PDE11A: variants seen among roughly 807,000 people sequenced by gnomAD.
PDE11A encodes the protein dual 3',5'-cyclic-AMP and -GMP phosphodiesterase 11A.
In PDE11A, 100 loss-of-function variants were observed where a neutral mutation model predicts 100.5. The ratio of observed to expected loss-of-function variants is 1.00; its 90% CI spans 0.85 to 1.18. PDE11A has a LOEUF of 1.18. Ranked by LOEUF, PDE11A falls within the 50% of genes most tolerant of loss-of-function variation. The probability of loss-of-function intolerance (pLI) is 0.00; values close to 1 mark genes in which losing one functional copy is unlikely to be tolerated. For synonymous variants in PDE11A, 381 were observed against 420.8 expected (o/e 0.91, Z 1.16); for missense variants, 1,141 against 1,152.6 (o/e 0.99, Z 0.15).
intron 10 of PDE11A, among the ~76,000 whole-genome samples, chr2:177,760,512 C>T (rs552385411): frequency 6.6e-6 from 1 of 152,046 alleles, no homozygotes. Context: ...ATCATAAAAA[C>T]CCCTAAATGT....
chr2:177,940,793 C>T (rs1262232430), intron 2 of PDE11A, among the ~76,000 whole-genome samples: 7 of 152,062 alleles, frequency 4.6e-5, no homozygotes, highest in Admixed American at 1.3e-4. Context: ...GAATATATAC[C>T]GTGAGTCTCT....
intron 2 of PDE11A, among the ~76,000 whole-genome samples, chr2:177,910,750 A>T (rs1349922137): frequency 6.6e-6 from 1 of 152,218 alleles, no homozygotes; most frequent in Non-Finnish European, 1.5e-5. Flanking sequence ...TCATTAAACT[A>T]TCACTAATAT....
intron 2 of PDE11A, among the ~76,000 whole-genome samples, chr2:177,934,664 T>C (rs757240094): frequency 6.6e-5 from 10 of 152,146 alleles, no homozygotes; most frequent in Non-Finnish European, 1.3e-4. Context: ...TAAATCATTC[T>C]ACCAAAAAGA....
intron 19 of PDE11A, among the ~76,000 whole-genome samples, chr2:177,635,708 G>C (rs1205557344): frequency 6.6e-6 from 1 of 152,054 alleles, no homozygotes; most frequent in African/African-American, 2.4e-5. Flanking sequence ...GTCTTGAGTA[G>C]ATAATCAAGA....
intron 1 of PDE11A, among the ~76,000 whole-genome samples, chr2:178,044,362 TTA>T (rs1326202123): frequency 4.1e-5 from 6 of 147,326 alleles, no homozygotes; most frequent in Non-Finnish European, 6.0e-5. Flanking sequence ...TATATAAACT[TTA>T]TATATATGTT....
chr2:177,652,589 TG>T lies in PDE11A; in HGVS notation c.2646+11276del, dbSNP rs533705626. 8.1e-4 allele frequency among the ~76,000 whole-genome samples: 123 copies of T among 152,234 alleles called. 1 individual carries two copies. The highest frequency in any genetic ancestry group is 1.5e-3 in the Non-Finnish European group (102 of 68,010). ...CAGCTGTGCTTTGGGAGGATAGCTC[TG>T]GTGGTGACATGGAGCCTTGAGGATG... is the stretch of plus-strand genomic sequence containing the variant. On this transcript the variant is annotated intron_variant, in intron 19 of 19. Coordinates refer to ENST00000286063, the MANE Select transcript of PDE11A (RefSeq NM_016953.4).
chr2:177,911,664 A>G (rs2084882786), intron 2 of PDE11A, among the ~76,000 whole-genome samples: 1 of 152,166 alleles, frequency 6.6e-6, no homozygotes, highest in Non-Finnish European at 1.5e-5. Context: ...CAGGTGGATC[A>G]CTTAAGGTCA....
intron 10 of PDE11A, among the ~76,000 whole-genome samples, chr2:177,768,679 T>C (rs1239235843): frequency 6.6e-6 from 1 of 152,136 alleles, no homozygotes; most frequent in Non-Finnish European, 1.5e-5. Context: ...TAACACTCAT[T>C]CATAGACTCA....
At chr2:177,697,274 G>A (rs1052354786) in intron 15 of PDE11A, 58 bp downstream of exon 15, 3 of 847,682 alleles carry the variant, frequency 3.5e-6, no homozygotes, top group South Asian at 1.3e-5. Flanking sequence ...TGTAGACCTG[G>A]AGATTAGTTA....
chr2:177,667,419 T>C (rs889293058), intron 18 of PDE11A, among the ~76,000 whole-genome samples: 7 of 152,184 alleles, frequency 4.6e-5, no homozygotes, highest in African/African-American at 1.7e-4. Context: ...TTGAGTTTAT[T>C]TCAGGGTATG....
At chr2:178,103,815 T>C (rs1221105870) in intron 2 of PDE11A, among the ~76,000 whole-genome samples, 1 of 152,098 alleles carries the variant, frequency 6.6e-6, no homozygotes, top group Non-Finnish European at 1.5e-5. Context: ...AATCCAGGAA[T>C]GACAAATTGC....
At chr2:178,080,632 C>A (rs1053327672) in intron 2 of PDE11A, among the ~76,000 whole-genome samples, 2 of 152,060 alleles carry the variant, frequency 1.3e-5, no homozygotes, top group African/African-American at 4.8e-5. Context: ...TTCACTAAAT[C>A]AAAAATAATT....
intron 19 of PDE11A, among the ~76,000 whole-genome samples, chr2:177,646,329 A>C (rs769568572): frequency 3.9e-5 from 6 of 152,194 alleles, no homozygotes; most frequent in Non-Finnish European, 8.8e-5. Flanking sequence ...GCTTGCTGTG[A>C]TAGAAAGTAA....
chr2:177,979,899 C>T (rs781402717), intron 2 of PDE11A, among the ~76,000 whole-genome samples: 2 of 150,372 alleles, frequency 1.3e-5, no homozygotes, highest in Non-Finnish European at 3.0e-5. Context: ...CGTGAGCCAC[C>T]GCGCCCGGCA....
chr2:177,667,423 G>A (rs910404754), intron 18 of PDE11A, among the ~76,000 whole-genome samples: 12 of 152,134 alleles, frequency 7.9e-5, no homozygotes, highest in Non-Finnish European at 1.2e-4. Context: ...GTTTATTTCA[G>A]GGTATGCTGA....
At chr2:177,730,240 C>G (rs769772225) in intron 10 of PDE11A, among the ~76,000 whole-genome samples, 2 of 152,142 alleles carry the variant, frequency 1.3e-5, no homozygotes, top group African/African-American at 4.8e-5. Flanking sequence ...CCACACCCCA[C>G]GACAGATCCC....
chr2:178,008,599 C>A (rs2086239846), intron 2 of PDE11A, among the ~76,000 whole-genome samples: 1 of 152,152 alleles, frequency 6.6e-6, no homozygotes, highest in African/African-American at 2.4e-5. Flanking sequence ...TAAACATTCT[C>A]CTCACACTAT....
chr2:177,669,469 G>C (rs758828546), intron 18 of PDE11A, 24 bp downstream of exon 18: 2 of 937,786 alleles, frequency 2.1e-6, no homozygotes, highest in South Asian at 1.3e-5. Flanking sequence ...GGGTAAATAC[G>C]TTATAATTAA....
intron 6 of PDE11A, among the ~76,000 whole-genome samples, chr2:177,826,473 G>T (rs1023314830): frequency 3.3e-5 from 5 of 152,200 alleles, no homozygotes; most frequent in Admixed American, 1.3e-4. Context: ...CAAGCTGAGG[G>T]AGCCAATGTT....
Sources: allele counts gnomAD v4.1 joint callset (sites outside exome capture counted in the v4.1 genomes callset), GRCh38; gene constraint gnomAD v4.1.1; transcripts MANE v1.5; gene names NCBI Gene and HGNC (gene_info 2026-07-23, HGNC 2026-07-21).